Variants in TLN2 observed in about 807,000 individuals in gnomAD.
The protein encoded by TLN2 is talin 2, also known as talin-2.
In TLN2, 118 loss-of-function variants were observed where a neutral mutation model predicts 294.7. The ratio of observed to expected loss-of-function variants is 0.40; its 90% CI spans 0.34 to 0.47. TLN2 has a LOEUF of 0.47. TLN2 is among the 20% of genes least tolerant of loss of function. The pLI, the probability that TLN2 is intolerant of heterozygous loss-of-function variation, is 0.84. For missense variants in TLN2, 3,083 were observed against 3,282.2 expected (o/e 0.94, Z 1.48); for synonymous variants, 1,431 against 1,304.5 (o/e 1.10, Z -2.09).
At chr15:62,462,323 C>T (rs569418397) in intron 1 of TLN2, among the ~76,000 whole-genome samples, 73 of 152,322 alleles carry the variant, frequency 4.8e-4, no homozygotes, top group South Asian at 8.3e-4. Context: ...GGCTGCTTCA[C>T]AGAAGCCCCC....
At chr15:62,437,264 T>A (rs1047573216) in intron 1 of TLN2, among the ~76,000 whole-genome samples, 1 of 152,214 alleles carries the variant, frequency 6.6e-6, no homozygotes, top group African/African-American at 2.4e-5. Flanking sequence ...GAGGAGCACA[T>A]TCATCAATAG....
chr15:62,731,846 C>T (rs1010277420), intron 28 of TLN2, among the ~76,000 whole-genome samples: 1 of 152,158 alleles, frequency 6.6e-6, no homozygotes, highest in Admixed American at 6.5e-5. Context: ...GGCTGATTTT[C>T]AGTAAGTTAT....
At chr15:62,546,859 T>A (rs1177368277) in intron 1 of TLN2, among the ~76,000 whole-genome samples, 1 of 152,208 alleles carries the variant, frequency 6.6e-6, no homozygotes, top group East Asian at 1.9e-4. Context: ...GGTAGTAATG[T>A]GAGATGCAGA....
chr15:62,799,696 A>G (rs1220925332), intron 48 of TLN2, among the ~76,000 whole-genome samples: 1 of 152,232 alleles, frequency 6.6e-6, no homozygotes, highest in Non-Finnish European at 1.5e-5. Flanking sequence ...AAATGATAAA[A>G]TAATTCCACC....
rs575003010 is a variant in TLN2 at position 62,610,539 on chromosome 15, G to T, written c.-161-7812G>T. ...TCCTTCTGCTTAGGAACGCTAGACA[G>T]CACCTCGGCACTATGTTTAGGGGCC... On this transcript the variant is annotated intron_variant, in intron 2 of 58. Transcript: ENST00000636159. Among the ~76,000 whole-genome samples the T allele has an allele frequency of 7.2e-5, 11 of 152,298 alleles. No homozygotes were observed. In the East Asian group the frequency reaches 2.1e-3, roughly 29 times the overall value.
intron 32 of TLN2, among the ~76,000 whole-genome samples, chr15:62,747,970 T>C (rs992919664): frequency 6.6e-6 from 1 of 152,130 alleles, no homozygotes; most frequent in Non-Finnish European, 1.5e-5. Context: ...GGGGTTCATC[T>C]TGCTGTCTGA....
At chr15:62,764,621 A>T (rs927426194) in intron 40 of TLN2, among the ~76,000 whole-genome samples, 5 of 152,120 alleles carry the variant, frequency 3.3e-5, no homozygotes, top group Non-Finnish European at 7.4e-5. Flanking sequence ...ATAAATTATC[A>T]CCAACTGAAC....
intron 1 of TLN2, among the ~76,000 whole-genome samples, chr15:62,482,471 G>A (rs190256284): frequency 1.3e-5 from 2 of 151,600 alleles, no homozygotes; most frequent in African/African-American, 4.8e-5. Flanking sequence ...GCATGGTGGC[G>A]CATGCCTGTA....
Position 62,462,216 on chromosome 15 carries a change from A to G in TLN2, c.-238+71531A>G, listed in dbSNP as rs2036849411. ...GGCACTGCGCTGCAGCCTGGGTGAC[A>G]AAGCAAGACTCTGTCTCAAAAACAT... On this transcript the variant is annotated intron_variant, in intron 1 of 58. Coordinates refer to ENST00000636159, the MANE Select transcript of TLN2 (RefSeq NM_015059.3). 2.0e-5 allele frequency among the ~76,000 whole-genome samples: 3 copies of G among 152,228 alleles called. No individual in the cohort carries two copies. In the South Asian group the frequency reaches 6.2e-4, roughly 32 times the overall value.
intron 3 of TLN2, chr15:62,638,649 T>C (rs571305239): frequency 8.3e-5 from 38 of 455,936 alleles, no homozygotes; most frequent in African/African-American, 7.4e-4. Context: ...CAAAGGTCTT[T>C]TCTCATCATT....
intron 1 of TLN2, among the ~76,000 whole-genome samples, chr15:62,522,941 TACAC>T (rs71129007): frequency 0.031 from 4,164 of 133,088 alleles, 69 homozygotes; most frequent in East Asian, 0.058. Flanking sequence ...GAATGTGGCT[TACAC>T]ACACACACAC....
At chr15:62,756,561 C>T (rs918796097) in intron 37 of TLN2, among the ~76,000 whole-genome samples, 4 of 152,138 alleles carry the variant, frequency 2.6e-5, no homozygotes, top group Non-Finnish European at 5.9e-5. Context: ...CTGTGTTAAA[C>T]CCTGGACACC....
At chr15:62,618,071 T>C (rs2048459762) in intron 2 of TLN2, among the ~76,000 whole-genome samples, 1 of 151,844 alleles carries the variant, frequency 6.6e-6, no homozygotes, top group African/African-American at 2.4e-5. Flanking sequence ...CGTGTTGAGA[T>C]TACAGGCAAG....
intron 1 of TLN2, among the ~76,000 whole-genome samples, chr15:62,509,460 A>G (rs911733632): frequency 2.0e-5 from 3 of 152,170 alleles, no homozygotes; most frequent in African/African-American, 7.2e-5. Context: ...GGCATCTCAA[A>G]TCTGACTTAG....
intron 1 of TLN2, among the ~76,000 whole-genome samples, chr15:62,491,326 C>CAAAAA (rs775626928): frequency 2.0e-5 from 2 of 99,022 alleles, no homozygotes; most frequent in South Asian, 3.7e-4. Context: ...GACTCTGTCT[C>CAAAAA]AAAAAAAAAA....
intron 1 of TLN2, among the ~76,000 whole-genome samples, chr15:62,516,298 A>G (rs2040188167): frequency 1.3e-5 from 2 of 152,234 alleles, no homozygotes; most frequent in South Asian, 4.1e-4. Flanking sequence ...CCAGAACAAC[A>G]TGTGAGTTTG....
At chr15:62,691,027 TGGGAGAGGGAGA>T (rs769214805) in intron 12 of TLN2, among the ~76,000 whole-genome samples, 1 of 79,336 alleles carries the variant, frequency 1.3e-5, no homozygotes, top group African/African-American at 6.1e-5. Context: ...AGGGAGACCG[TGGGAGAGGGAGA>T]GGGAGAGGGG....
chr15:62,779,721 A>G (rs1488888767), intron 43 of TLN2, among the ~76,000 whole-genome samples: 1 of 152,252 alleles, frequency 6.6e-6, no homozygotes, highest in Non-Finnish European at 1.5e-5. Context: ...GTGAATGAGT[A>G]TGCAATTCAG....
intron 23 of TLN2, among the ~76,000 whole-genome samples, chr15:62,716,989 T>G (rs8042762): frequency 0.011 from 1,686 of 152,264 alleles, 30 homozygotes; most frequent in African/African-American, 0.038. Flanking sequence ...CAGGAGACCC[T>G]TACACTGAAA....
Sources: gnomAD v4.1 joint callset for allele counts (sites outside exome capture counted in the v4.1 genomes callset) on GRCh38, gnomAD v4.1.1 for gene constraint, MANE v1.5 for transcripts, NCBI Gene and HGNC (gene_info 2026-07-23, HGNC 2026-07-21) for gene names.